The following AGAP4 variants were observed in gnomAD, a reference collection of about 807,000 sequenced individuals.
The protein encoded by AGAP4 is arf-GAP with GTPase, ANK repeat and PH domain-containing protein 4.
AGAP4 carries 13 observed loss-of-function variants against 60.7 expected under a neutral mutation model. The observed-to-expected ratio is 0.21, with a 90% CI of 0.14 to 0.34. AGAP4 has a LOEUF of 0.34. Ranked by LOEUF, AGAP4 falls within the 10% of genes least tolerant of loss-of-function variation. AGAP4 has a pLI of 1.00. For synonymous variants in AGAP4, 70 were observed against 339.0 expected (o/e 0.21, Z 8.72); for missense variants, 169 against 884.0 (o/e 0.19, Z 10.26).
intron 4 of AGAP4, among the ~76,000 whole-genome samples, chr10:45,839,921 G>A (rs2058889821): frequency 6.8e-6 from 1 of 147,504 alleles, no homozygotes; most frequent in African/African-American, 2.5e-5. Flanking sequence ...CCCAGAACTA[G>A]AATAAAAAGA....
intron 4 of AGAP4, among the ~76,000 whole-genome samples, chr10:45,838,043 C>G (rs2058851612): frequency 2.0e-5 from 3 of 150,696 alleles, no homozygotes; most frequent in Admixed American, 1.3e-4. Context: ...AAATGCCCGT[C>G]AATCAATGAG....
At chr10:45,842,497 A>G in intron 3 of AGAP4, among the ~76,000 whole-genome samples, 2 of 146,418 alleles carry the variant, frequency 1.4e-5, no homozygotes, top group Admixed American at 6.8e-5. Context: ...ACCCACCTCA[A>G]CCTCCCAAAG....
In AGAP4 at chr10:45,827,234, T is replaced by G; in HGVS notation, c.742A>C (p.Met248Leu). The G allele has an allele frequency of 1.3e-5, 17 of 1,327,488 alleles. No individual in the cohort carries two copies. Among genetic ancestry groups the G allele is most frequent in the Non-Finnish European group, 1.6e-5 (15 of 957,748 alleles). 82.2% of individuals were successfully genotyped at this position (1,327,488 alleles called of 1,614,324 possible). ...NTPTPVCKRSMRWSNLFTSEK... is the reference protein window; with the variant it reads ...NTPTPVCKRSLRWSNLFTSEK... ...GATGTAAACAGGTTGGACCAGCGCATGGACCGCTTGCAAACGGGGGTGGGT... is the reference window on the plus strand; with the variant it reads ...GATGTAAACAGGTTGGACCAGCGCAGGGACCGCTTGCAAACGGGGGTGGGT... The change falls in exon 8 of 8, where the codon ATG becomes CTG. Residue 248 changes from methionine to leucine, a missense_variant. Physicochemically the swap from Met to Leu is conservative, Grantham distance 15. Coordinates refer to ENST00000616763, the MANE Select transcript of AGAP4 (RefSeq NM_001276343.3).
rs879976515 is a variant in AGAP4 at position 45,839,978 on chromosome 10, G to A, written c.396+1675C>T. Among the ~76,000 whole-genome samples the A allele has an allele frequency of 2.7e-4, 41 of 150,318 alleles. 1 individual carries two copies. Among genetic ancestry groups the A allele is most frequent in the Admixed American group, 1.9e-3 (29 of 15,122 alleles). The stretch of plus-strand genomic sequence containing the variant: ...GGAAAAATTAAAAATCAATGCAGGC[G>A]TACTGGTCTAAGCAGCCTAGCATCT... On this transcript the variant is annotated intron_variant, in intron 4 of 7. Transcript: ENST00000616763.
intron 4 of AGAP4, among the ~76,000 whole-genome samples, chr10:45,838,176 T>G (rs2058854213): frequency 6.7e-6 from 1 of 149,530 alleles, no homozygotes; most frequent in African/African-American, 2.5e-5. Flanking sequence ...ACTATTATTC[T>G]AAGTGAAATA....
At chr10:45,852,842 G>A (rs2059101305) in intron 1 of AGAP4, among the ~76,000 whole-genome samples, 1 of 151,828 alleles carries the variant, frequency 6.6e-6, no homozygotes, top group Non-Finnish European at 1.5e-5. Flanking sequence ...TACCATTTTG[G>A]ATAATTCTTG....
chr10:45,844,310 A>G lies in AGAP4; in HGVS notation c.361+16T>C, dbSNP rs2058966716. 1.9e-6 allele frequency: 3 copies of G among 1,594,286 alleles called. No individual in the cohort carries two copies. Among genetic ancestry groups the G allele is most frequent in the Admixed American group, 3.3e-5 (2 of 59,866 alleles). On this transcript the variant is annotated intron_variant, in intron 3 of 7. Transcript: ENST00000616763. ...TTTTATTCTTTCTCTTGGTGGAAAA[A>G]ACAATGTCGTCTCACCATCTGTTTG...
chr10:45,838,040 C>A (rs2058851463), intron 4 of AGAP4, among the ~76,000 whole-genome samples: 3 of 150,726 alleles, frequency 2.0e-5, no homozygotes. Context: ...CTCAAATGCC[C>A]GTCAATCAAT....
chr10:45,838,863 T>C (rs1265719652), intron 4 of AGAP4, among the ~76,000 whole-genome samples: 1 of 150,506 alleles, frequency 6.6e-6, no homozygotes, highest in African/African-American at 2.4e-5. Context: ...TCCATCTATG[T>C]TGTGAAGTAA....
upstream of AGAP4, among the ~76,000 whole-genome samples, chr10:45,849,643 AT>A (rs533771653): frequency 9.0e-4 from 126 of 140,032 alleles, no homozygotes; most frequent in Non-Finnish European, 7.6e-4. Context: ...GCTGAACACT[AT>A]TTTTTTTTTT....
upstream of AGAP4, among the ~76,000 whole-genome samples, chr10:45,850,847 T>C (rs1387093507): frequency 2.6e-5 from 4 of 151,936 alleles, no homozygotes; most frequent in African/African-American, 9.7e-5. Flanking sequence ...AGTGTCACAT[T>C]AAAATGGAAC....
chr10:45,853,535 G>C, intron 1 of AGAP4: 1 of 1,169,538 alleles, frequency 8.6e-7, no homozygotes. Context: ...AAATACATAT[G>C]CTCAGATTTA....
chr10:45,826,960 T>C lies in AGAP4; in HGVS notation c.1016A>G (p.Lys339Arg), dbSNP rs1473580645. 7.0e-7 allele frequency: 1 copy of C among 1,422,280 alleles called. No individual in the cohort carries two copies. Among genetic ancestry groups the C allele is most frequent in the African/African-American group, 1.8e-5 (1 of 55,888 alleles). 88.1% of individuals were successfully genotyped at this position (1,422,280 alleles called of 1,614,324 possible). ...TAGGGATGGCCACTTTCCTGGGACT[T>C]TGATGGTAGATGTCTGAAGGTCAAT... Reference protein sequence around the residue: ...KEIDLQTSTIKVPGKWPSLAT... With the variant: ...KEIDLQTSTIRVPGKWPSLAT... The change falls in exon 8 of 8, where the codon AAA (lysine) becomes AGA (arginine). Residue 339 changes from lysine to arginine, a missense_variant. Physicochemically the swap from Lys to Arg is conservative, Grantham distance 26. Coordinates refer to ENST00000616763, the MANE Select transcript of AGAP4 (RefSeq NM_001276343.3).
At chr10:45,838,272 T>TGGACTTTGG (rs2058856116) in intron 4 of AGAP4, among the ~76,000 whole-genome samples, 2 of 150,898 alleles carry the variant, frequency 1.3e-5, no homozygotes, top group African/African-American at 2.4e-5. Context: ...AATGATACAA[T>TGGACTTTGG]GGACTTTGGG....
rs1256833731 is a variant in AGAP4, at chr10:45,826,901, T to C, written c.1075A>G (p.Lys359Glu). 3 of 1,263,958 alleles carry C rather than the reference T, an allele frequency of 2.4e-6. 1 individual carries two copies. Among genetic ancestry groups the C allele is most frequent in the Non-Finnish European group, 3.3e-6 (3 of 918,260 alleles). 78.3% of individuals were successfully genotyped at this position (1,263,958 alleles called of 1,614,324 possible). Residue 359 changes from lysine (K) to glutamate (E), a missense_variant, in exon 8 of 8, where the codon AAA becomes GAA. Physicochemically the swap from Lys to Glu is moderately conservative, Grantham distance 56 (BLOSUM62 1). Coordinates refer to ENST00000616763, the MANE Select transcript of AGAP4 (RefSeq NM_001276343.3). ...TSACTPISTSKSNGLSKDMDT... is the reference protein window; with the variant it reads ...TSACTPISTSESNGLSKDMDT... ...ATGTCCTTGGATAGGCCATTGCTTTTAGAGGTGGAGATGGGTGTGCAGGCC... is the reference window on the plus strand; with the variant it reads ...ATGTCCTTGGATAGGCCATTGCTTTCAGAGGTGGAGATGGGTGTGCAGGCC...
At chr10:45,851,787 A>G (rs2059086605), upstream of AGAP4, among the ~76,000 whole-genome samples, 1 of 152,014 alleles carries the variant, frequency 6.6e-6, no homozygotes, top group Non-Finnish European at 1.5e-5. Flanking sequence ...TGCAATCTGG[A>G]TCAGGGACAG....
chr10:45,849,309 C>G (rs553579692), upstream of AGAP4, among the ~76,000 whole-genome samples: 2 of 149,508 alleles, frequency 1.3e-5, no homozygotes, highest in South Asian at 2.2e-4. Flanking sequence ...TAACTGCCCC[C>G]GTGATCCAAT....
In AGAP4 at chr10:45,832,339, G is replaced by T. The variant is rs2058747139; in HGVS notation, c.498-910C>A. On this transcript the variant is annotated intron_variant, in intron 5 of 7. Transcript: ENST00000616763. ...GATCAGGGAAACAGACCTTAAAACT[G>T]ACTTGCCCAAGGTCCCACCAAATTG... Among the ~76,000 whole-genome samples the T allele has an allele frequency of 2.0e-5, 3 of 149,462 alleles. 1 individual carries two copies. Among genetic ancestry groups the T allele is most frequent in the Admixed American group, 2.0e-4 (3 of 14,972 alleles).
intron 4 of AGAP4, among the ~76,000 whole-genome samples, chr10:45,837,657 G>T (rs1455495142): frequency 2.0e-5 from 3 of 151,792 alleles, no homozygotes; most frequent in African/African-American, 7.3e-5. Flanking sequence ...GGGATAATTG[G>T]CAAGCCACAT....
Sources: allele counts gnomAD v4.1 joint callset (sites outside exome capture counted in the v4.1 genomes callset), GRCh38; gene constraint gnomAD v4.1.1; transcripts MANE v1.5; gene names NCBI Gene and HGNC (gene_info 2026-07-23, HGNC 2026-07-21).